Variants in COLEC12 observed in about 807,000 individuals in gnomAD.
COLEC12 encodes the protein collectin subfamily member 12, also known as collectin-12.
COLEC12 carries 33 observed loss-of-function variants against 71.1 expected under a neutral mutation model. The ratio of observed to expected loss-of-function variants is 0.46; its 90% CI spans 0.35 to 0.62. The LOEUF (loss-of-function observed/expected upper bound fraction) is 0.62. COLEC12 is among the 20% of genes least tolerant of loss of function. COLEC12 has a pLI of 0.00. For missense variants in COLEC12, 765 were observed against 916.1 expected, an observed-to-expected ratio of 0.84 and a Z score of 2.13; for synonymous variants, 350 against 353.0, an observed-to-expected ratio of 0.99 and a Z score of 0.10.
chr18:328,915 C>T (rs1448243490), intron 8 of COLEC12, among the ~76,000 whole-genome samples: 1 of 152,192 alleles, frequency 6.6e-6, no homozygotes. Context: ...TTATTGAGAC[C>T]TCATAACACG....
chr18:335,023 C>A lies in COLEC12; in HGVS notation c.1535G>T (p.Gly512Val). The stretch of plus-strand genomic sequence containing the variant: ...CTGAGGGCCGGGCTTCCCAGGGGAA[C>A]CACGGGAGCCTTTGGGGCCCTGGGA... ...KGSQGPKGSR[G>V]SPGKPGPQGS... The change falls in exon 6 of 10, where the codon GGT becomes GTT. Residue 512 changes from glycine to valine, a missense_variant. By Grantham distance (109) the Gly-to-Val change is moderately radical. Coordinates refer to ENST00000400256, the MANE Select transcript of COLEC12 (RefSeq NM_130386.3). The A allele has an allele frequency of 6.3e-7, 1 of 1,590,510 alleles. No individual in the cohort carries two copies. The highest frequency in any genetic ancestry group is 8.5e-7 in the Non-Finnish European group (1 of 1,172,416).
intron 2 of COLEC12, among the ~76,000 whole-genome samples, chr18:478,735 C>G (rs769757511): frequency 7.2e-5 from 11 of 152,220 alleles, no homozygotes; most frequent in Non-Finnish European, 1.3e-4. Flanking sequence ...CAAGAATTCT[C>G]AGCATCAGGA....
At position 334,930 on chromosome 18, in the gene COLEC12, G is replaced by C. The variant is rs750387444; in HGVS notation, c.1628C>G (p.Pro543Arg). 1 of 1,563,098 alleles carries C rather than the reference G, an allele frequency of 6.4e-7. No homozygotes were observed. The highest frequency in any genetic ancestry group is 1.2e-5 in the South Asian group (1 of 84,552). Residue 543 changes from proline (P) to arginine (R), a missense_variant, in exon 6 of 10, where the codon CCT (proline) becomes CGT (arginine). Pro to Arg is a moderately radical substitution (Grantham distance 103). Coordinates refer to ENST00000400256, the MANE Select transcript of COLEC12 (RefSeq NM_130386.3). The stretch of plus-strand genomic sequence containing the variant: ...GCCCTGAAGTCCCTGGAAGCCAGGA[G>C]GGCCCTGAGGGCCGGGGAGTCCCTC... ...GKEGLPGPQG[P>R]PGFQGLQGTV...
intron 2 of COLEC12, among the ~76,000 whole-genome samples, chr18:388,141 G>A: frequency 6.6e-6 from 1 of 152,150 alleles, no homozygotes; most frequent in East Asian, 1.9e-4. Flanking sequence ...GACAGCAGGA[G>A]GGGTAAGGAA....
intron 2 of COLEC12, among the ~76,000 whole-genome samples, chr18:384,000 TA>T (rs1915290072): frequency 2.6e-5 from 4 of 152,108 alleles, no homozygotes; most frequent in Non-Finnish European, 5.9e-5. Flanking sequence ...ATGAGAACAG[TA>T]TCGGGGAAAC....
At position 351,878 on chromosome 18, in the gene COLEC12, C is replaced by G. The variant is rs146204917; in HGVS notation, c.182-3715G>C. 5.1e-3 allele frequency among the ~76,000 whole-genome samples: 775 copies of G among 152,244 alleles called. 7 individuals are homozygous for G. The highest frequency in any genetic ancestry group is 0.017 in the African/African-American group (710 of 41,542). The stretch of plus-strand genomic sequence containing the variant: ...TATTTTTAGTAGAGATGGGGTTTCT[C>G]TATGTTGGCCAGGCTGGTCTCGAAC... On this transcript the variant is annotated intron_variant, in intron 3 of 9. Coordinates refer to ENST00000400256, the MANE Select transcript of COLEC12 (RefSeq NM_130386.3).
At chr18:434,839 T>G (rs1240330981) in intron 2 of COLEC12, among the ~76,000 whole-genome samples, 1 of 152,188 alleles carries the variant, frequency 6.6e-6, no homozygotes, top group Admixed American at 6.5e-5. Flanking sequence ...CCCTCTGATT[T>G]TAGCCTAAAC....
At chr18:423,049 T>C (rs906120268) in intron 2 of COLEC12, among the ~76,000 whole-genome samples, 6 of 152,244 alleles carry the variant, frequency 3.9e-5, no homozygotes, top group Non-Finnish European at 7.4e-5. Context: ...GGTTGGAGGA[T>C]CGTTTGAGGT....
chr18:496,747 G>A (rs1333612705), intron 1 of COLEC12, among the ~76,000 whole-genome samples: 1 of 152,202 alleles, frequency 6.6e-6, no homozygotes, highest in Admixed American at 6.5e-5. Flanking sequence ...CATGGCACCA[G>A]CCTCCTCTCT....
intron 2 of COLEC12, among the ~76,000 whole-genome samples, chr18:368,285 C>A (rs1257290312): frequency 6.6e-6 from 1 of 152,178 alleles, no homozygotes; most frequent in Non-Finnish European, 1.5e-5. Flanking sequence ...AAGCAAAATT[C>A]AAAATCACCA....
At chr18:451,577 C>A (rs1050662796) in intron 2 of COLEC12, among the ~76,000 whole-genome samples, 1 of 152,068 alleles carries the variant, frequency 6.6e-6, no homozygotes, top group Non-Finnish European at 1.5e-5. Flanking sequence ...AAAACCCCGT[C>A]TCTACTAAAA....
At chr18:446,813 T>C (rs1598366932) in intron 2 of COLEC12, among the ~76,000 whole-genome samples, 2 of 152,348 alleles carry the variant, frequency 1.3e-5, no homozygotes, top group East Asian at 3.9e-4. Flanking sequence ...TTCATTCCCA[T>C]TTTCCATCTG....
At chr18:401,399 T>C (rs1387068347) in intron 2 of COLEC12, among the ~76,000 whole-genome samples, 2 of 152,242 alleles carry the variant, frequency 1.3e-5, no homozygotes, top group African/African-American at 4.8e-5. Flanking sequence ...GCAGTTACCA[T>C]TGGCTTCCTG....
chr18:455,751 G>A (rs141452042), intron 2 of COLEC12, among the ~76,000 whole-genome samples: 2 of 151,908 alleles, frequency 1.3e-5, no homozygotes, highest in African/African-American at 4.8e-5. Flanking sequence ...TGCAGTGTTT[G>A]GTTTTCTGTT....
intron 2 of COLEC12, among the ~76,000 whole-genome samples, chr18:445,434 G>A (rs867750831): frequency 6.6e-6 from 1 of 152,094 alleles, no homozygotes; most frequent in East Asian, 1.9e-4. Flanking sequence ...TATCTGTTAT[G>A]TTTTTAAACA....
chr18:474,923 A>G (rs1194452228), intron 2 of COLEC12, among the ~76,000 whole-genome samples: 1 of 151,842 alleles, frequency 6.6e-6, no homozygotes, highest in Non-Finnish European at 1.5e-5. Flanking sequence ...AAATACAAAA[A>G]AGTTAGCTGG....
chr18:478,270 T>C (rs1451227314), intron 2 of COLEC12, among the ~76,000 whole-genome samples: 1 of 152,208 alleles, frequency 6.6e-6, no homozygotes, highest in African/African-American at 2.4e-5. Flanking sequence ...CAGCAAGGAC[T>C]TAATCTATCT....
rs1032579759 is a variant in COLEC12 at position 476,475 on chromosome 18, C to T, written c.58+4232G>A. ...CACAGGCTGAACCATGTATCTCTTG[C>T]TTCTCCATCATCCTAACTTTGGACG... On this transcript the variant is annotated intron_variant, in intron 2 of 9. Coordinates refer to ENST00000400256, the MANE Select transcript of COLEC12 (RefSeq NM_130386.3). Among the ~76,000 whole-genome samples the T allele has an allele frequency of 2.6e-5, 4 of 152,246 alleles. No individual in the cohort carries two copies. The South Asian group carries it at 6.2e-4, about 24-fold the overall frequency.
At chr18:364,692 T>C (rs1490696634) in intron 2 of COLEC12, among the ~76,000 whole-genome samples, 1 of 152,202 alleles carries the variant, frequency 6.6e-6, no homozygotes, top group African/African-American at 2.4e-5. Flanking sequence ...TGACAGGTAA[T>C]TGAGGAAGGC....
Sources: gnomAD v4.1 joint callset for allele counts (sites outside exome capture counted in the v4.1 genomes callset) on GRCh38, gnomAD v4.1.1 for gene constraint, MANE v1.5 for transcripts, NCBI Gene and HGNC (gene_info 2026-07-23, HGNC 2026-07-21) for gene names.